THSD4: variants seen among roughly 807,000 people sequenced by gnomAD.
THSD4 encodes the protein thrombospondin type 1 domain containing 4.
THSD4 carries 69 observed loss-of-function variants against 119.0 expected under a neutral mutation model. That is an observed-to-expected ratio of 0.58 (90% CI 0.48 to 0.71). The LOEUF is 0.71. Ranked by LOEUF, THSD4 falls within the 30% of genes least tolerant of loss-of-function variation. The pLI is 0.00. For synonymous variants in THSD4, 524 were observed against 540.4 expected, an observed-to-expected ratio of 0.97 and a Z score of 0.42; for missense variants, 1,393 against 1,391.1, an observed-to-expected ratio of 1.00 and a Z score of -0.02.
rs2047116059 is a variant in THSD4 at position 71,442,600 on chromosome 15, A to ATATG, written c.1152+30778_1152+30779insATGT. 1.8e-4 allele frequency among the ~76,000 whole-genome samples: 8 copies of ATATG among 44,842 alleles called. 2 individuals carry two copies. Among genetic ancestry groups the ATATG allele is most frequent in the African/African-American group, 2.8e-4 (4 of 14,464 alleles). 29.4% of individuals were successfully genotyped at this position (44,842 alleles called of 152,430 possible). On this transcript the variant is annotated intron_variant, in intron 7 of 17. Transcript: ENST00000261862. Reference sequence around the variant, plus strand: ...AAAAAATATATATATATATATATATATGTGTGTGTGTGTGTGTGTATATAT... The same window carrying ATATG: ...AAAAAATATATATATATATATATATATATGTGTGTGTGTGTGTGTGTGTATATAT...
At chr15:71,634,164 G>T (rs1051914217) in intron 7 of THSD4, among the ~76,000 whole-genome samples, 1 of 150,120 alleles carries the variant, frequency 6.7e-6, no homozygotes, top group Non-Finnish European at 1.5e-5. Flanking sequence ...TCCAGCCTGG[G>T]CAACAAGAGT....
chr15:71,383,203 G>T (rs1031443902), intron 6 of THSD4, among the ~76,000 whole-genome samples: 1 of 152,172 alleles, frequency 6.6e-6, no homozygotes, highest in African/African-American at 2.4e-5. Context: ...AATTTTGGGG[G>T]ACCAGCAGGG....
At chr15:71,760,438 C>T (rs1015363691) in intron 15 of THSD4, among the ~76,000 whole-genome samples, 5 of 152,170 alleles carry the variant, frequency 3.3e-5, no homozygotes. Context: ...TCCCAGATCC[C>T]TGGAAACTAA....
At chr15:71,684,130 G>T (rs964282076) in intron 8 of THSD4, among the ~76,000 whole-genome samples, 3 of 152,244 alleles carry the variant, frequency 2.0e-5, no homozygotes, top group Non-Finnish European at 2.9e-5. Context: ...TTTTGCTGTG[G>T]TATGATGATG....
At position 71,191,963 on chromosome 15, in the gene THSD4, C is replaced by T. The variant is rs184054800; in HGVS notation, c.100-23072C>T. Among the ~76,000 whole-genome samples, 52 of 149,416 alleles carry T rather than the reference C, an allele frequency of 3.5e-4. No homozygotes were observed. In the East Asian group the frequency reaches 9.6e-3, roughly 28 times the overall value. ...TGTCACCTGGGCTGGAGTGTAGTGG[C>T]ACGATCTCAGCTCACTGCAACCTCC... On this transcript the variant is annotated intron_variant, in intron 3 of 17. Coordinates refer to ENST00000261862, the MANE Select transcript of THSD4 (RefSeq NM_024817.3).
At chr15:71,577,392 C>T (rs1404528877) in intron 7 of THSD4, among the ~76,000 whole-genome samples, 1 of 152,148 alleles carries the variant, frequency 6.6e-6, no homozygotes, top group East Asian at 1.9e-4. Context: ...CTTGGCTTCT[C>T]ACATGTTAAA....
chr15:71,150,260 G>T (rs146340833), intron 2 of THSD4, among the ~76,000 whole-genome samples: 5 of 152,282 alleles, frequency 3.3e-5, no homozygotes, highest in Admixed American at 6.5e-5. Context: ...TTTTGAATTG[G>T]GTCAGGAGGA....
At chr15:71,705,392 G>A (rs1458317236) in intron 8 of THSD4, among the ~76,000 whole-genome samples, 1 of 152,190 alleles carries the variant, frequency 6.6e-6, no homozygotes, top group Non-Finnish European at 1.5e-5. Flanking sequence ...AGACGCCATT[G>A]GACTGACTTC....
At chr15:71,248,831 C>T (rs2044230045) in intron 5 of THSD4, among the ~76,000 whole-genome samples, 1 of 152,152 alleles carries the variant, frequency 6.6e-6, no homozygotes, top group African/African-American at 2.4e-5. Context: ...CTAATAACTT[C>T]CTGACTGCAA....
chr15:71,208,401 G>C (rs1394382998), intron 3 of THSD4, among the ~76,000 whole-genome samples: 1 of 152,188 alleles, frequency 6.6e-6, no homozygotes, highest in Non-Finnish European at 1.5e-5. Flanking sequence ...CTCTAACACT[G>C]TCACAGTCTC....
chr15:71,441,451 A>G (rs1245413944), intron 7 of THSD4, among the ~76,000 whole-genome samples: 1 of 55,214 alleles, frequency 1.8e-5, no homozygotes, highest in Non-Finnish European at 3.6e-5. Flanking sequence ...CCCAGGCTGG[A>G]GTGCAGTGGT....
chr15:71,309,306 T>C (rs1369967713), intron 6 of THSD4, among the ~76,000 whole-genome samples: 1 of 152,194 alleles, frequency 6.6e-6, no homozygotes, highest in East Asian at 1.9e-4. Flanking sequence ...ATGTCTTCTT[T>C]GGAAAAATAC....
At chr15:71,477,764 C>A (rs990674964) in intron 7 of THSD4, among the ~76,000 whole-genome samples, 3 of 152,190 alleles carry the variant, frequency 2.0e-5, no homozygotes, top group Non-Finnish European at 4.4e-5. Flanking sequence ...CAGCATCCCT[C>A]ACACCGTCAC....
At chr15:71,550,186 G>C (rs1287000288) in intron 7 of THSD4, among the ~76,000 whole-genome samples, 1 of 152,218 alleles carries the variant, frequency 6.6e-6, no homozygotes, top group Non-Finnish European at 1.5e-5. Flanking sequence ...CTGGACTTTT[G>C]AGGCATTTGT....
intron 7 of THSD4, among the ~76,000 whole-genome samples, chr15:71,436,872 G>T (rs2047020694): frequency 6.6e-6 from 1 of 152,154 alleles, no homozygotes; most frequent in Admixed American, 6.5e-5. Flanking sequence ...AACACGCAGT[G>T]ACCTGGGACA....
In THSD4 at chr15:71,400,990, G is replaced by C. The variant is rs539077652; in HGVS notation, c.1016-10697G>C. ...TTTATGCACAGAATCTCCTCTTTTC[G>C]TACCTGAGTTTTTCTCTCCACTGAA... On this transcript the variant is annotated intron_variant, in intron 6 of 17. Coordinates refer to ENST00000261862, the MANE Select transcript of THSD4 (RefSeq NM_024817.3). Among the ~76,000 whole-genome samples, 6 of 152,202 alleles carry C rather than the reference G, an allele frequency of 3.9e-5. No homozygotes were observed. The East Asian group carries it at 7.7e-4, about 20-fold the overall frequency.
intron 2 of THSD4, among the ~76,000 whole-genome samples, chr15:71,148,460 G>A (rs542405833): frequency 6.6e-6 from 1 of 152,300 alleles, no homozygotes; most frequent in Admixed American, 6.5e-5. Context: ...TCTAAGAAAG[G>A]TTTCTTAAGC....
At chr15:71,112,151 G>A (rs747696629), upstream of THSD4, 23 of 1,613,554 alleles carry the variant, frequency 1.4e-5, 1 homozygote, top group African/African-American at 6.7e-5. Flanking sequence ...CCCTCACCAC[G>A]TGCAGACGCT....
chr15:71,306,722 G>A (rs2045035517), intron 6 of THSD4, among the ~76,000 whole-genome samples: 1 of 152,152 alleles, frequency 6.6e-6, no homozygotes, highest in South Asian at 2.1e-4. Context: ...TCTTGACAAT[G>A]CATAGTGCAG....
Sources: allele counts gnomAD v4.1 joint callset (sites outside exome capture counted in the v4.1 genomes callset), GRCh38; gene constraint gnomAD v4.1.1; transcripts MANE v1.5; gene names NCBI Gene and HGNC (gene_info 2026-07-23, HGNC 2026-07-21).